UTRN: variants seen among roughly 807,000 people sequenced by gnomAD.
UTRN encodes utrophin, also known as dystrophin-related protein 1.
In UTRN, 283 loss-of-function variants were observed where a neutral mutation model predicts 463.9. The ratio of observed to expected loss-of-function variants is 0.61; its 90% CI spans 0.55 to 0.67. The LOEUF (loss-of-function observed/expected upper bound fraction) is 0.67. Ranked by LOEUF, UTRN falls within the 30% of genes least tolerant of loss-of-function variation. The probability of loss-of-function intolerance (pLI) is 0.00; values close to 1 mark genes in which losing one functional copy is unlikely to be tolerated. For synonymous variants in UTRN, 1,442 were observed against 1,431.5 expected (o/e 1.01, Z -0.17); for missense variants, 3,922 against 4,084.3 (o/e 0.96, Z 1.08).
At chr6:144,414,191 A>G (rs7770410) in intron 3 of UTRN, among the ~76,000 whole-genome samples, 2,246 of 152,160 alleles carry the variant, frequency 0.015, 48 homozygotes, top group South Asian at 0.1. Context: ...GTGTCCCAGA[A>G]GAAGGCATCG....
chr6:144,318,836 G>A (rs963096358), intron 2 of UTRN, among the ~76,000 whole-genome samples: 5 of 152,146 alleles, frequency 3.3e-5, no homozygotes, highest in Admixed American at 6.5e-5. Flanking sequence ...TTTGGCCGGC[G>A]TAGGCAGGCA....
At chr6:144,303,503 G>A (rs2179338) in intron 2 of UTRN, among the ~76,000 whole-genome samples, 9,216 of 152,148 alleles carry the variant, frequency 0.061, 907 homozygotes, top group African/African-American at 0.21. Context: ...TTTCTTAACC[G>A]TTTACAGTTA....
At position 144,791,360 on chromosome 6, in the gene UTRN, A is replaced by G. The variant is rs1390589620; in HGVS notation, c.8920+2081A>G. On this transcript the variant is annotated intron_variant, in intron 62 of 74. Coordinates refer to ENST00000367545, the MANE Select transcript of UTRN (RefSeq NM_007124.3). The stretch of plus-strand genomic sequence containing the variant: ...AAGAATATTCCTTGTTTAGTTTCTA[A>G]CAGTGCCCTGGCCTTTATGCTTATA... Among the ~76,000 whole-genome samples, 3 of 152,086 alleles carry G rather than the reference A, an allele frequency of 2.0e-5. No individual in the cohort carries two copies. The South Asian group carries it at 6.2e-4, about 31-fold the overall frequency.
intron 50 of UTRN, among the ~76,000 whole-genome samples, chr6:144,570,351 A>G (rs1327193336): frequency 6.6e-6 from 1 of 152,156 alleles, no homozygotes; most frequent in Non-Finnish European, 1.5e-5. Context: ...TTATAGATAA[A>G]TAACATATGA....
intron 12 of UTRN, 111 bp from the exon 13 acceptor site, chr6:144,440,241 T>G: frequency 1.8e-6 from 2 of 1,111,066 alleles, no homozygotes; most frequent in Non-Finnish European, 2.6e-6. Flanking sequence ...GATTGGAAAT[T>G]TAAATATGAT....
intron 71 of UTRN, 173 bp downstream of exon 71, chr6:144,836,714 C>A: frequency 2.0e-6 from 2 of 985,126 alleles, no homozygotes; most frequent in East Asian, 2.7e-5. Flanking sequence ...TATAAATCCT[C>A]ATTGGCACAC....
At chr6:144,537,842 C>T in intron 44 of UTRN, 125 bp downstream of exon 44, 2 of 1,323,250 alleles carry the variant, frequency 1.5e-6, no homozygotes, top group South Asian at 1.4e-5. Context: ...ATGTGGTGAA[C>T]CTGAAAGAGG....
intron 2 of UTRN, among the ~76,000 whole-genome samples, chr6:144,321,344 C>A (rs1385884253): frequency 6.6e-6 from 1 of 151,840 alleles, no homozygotes; most frequent in Admixed American, 6.6e-5. Context: ...AAAAGAGGCA[C>A]TTCTATTTTC....
chr6:144,353,990 G>T (rs1778340359), intron 2 of UTRN, among the ~76,000 whole-genome samples: 1 of 152,196 alleles, frequency 6.6e-6, no homozygotes, highest in Non-Finnish European at 1.5e-5. Context: ...TTTAAAGTTG[G>T]TTTTAAACTT....
chr6:144,771,307 T>A (rs1268334573), intron 58 of UTRN, among the ~76,000 whole-genome samples: 1 of 152,176 alleles, frequency 6.6e-6, no homozygotes, highest in African/African-American at 2.4e-5. Context: ...AACTTTTGTA[T>A]AGAGATGAGG....
chr6:144,525,002 T>C (rs1275643739), intron 41 of UTRN, among the ~76,000 whole-genome samples: 2 of 152,188 alleles, frequency 1.3e-5, no homozygotes, highest in Non-Finnish European at 2.9e-5. Context: ...ATTTATTGAC[T>C]TGTGTATGTT....
chr6:144,323,955 G>T (rs988179420), intron 2 of UTRN, among the ~76,000 whole-genome samples: 1 of 152,160 alleles, frequency 6.6e-6, no homozygotes, highest in South Asian at 2.1e-4. Context: ...GATCTGCAAG[G>T]TGGCCTTGAA....
At chr6:144,432,356 C>G (rs765062909) in intron 9 of UTRN, among the ~76,000 whole-genome samples, 1 of 152,112 alleles carries the variant, frequency 6.6e-6, no homozygotes, top group African/African-American at 2.4e-5. Flanking sequence ...AACTCTCTGT[C>G]TCTCTCTCTC....
chr6:144,786,094 A>G (rs1776267380), intron 61 of UTRN, among the ~76,000 whole-genome samples: 1 of 152,196 alleles, frequency 6.6e-6, no homozygotes, highest in African/African-American at 2.4e-5. Context: ...GAAAACTATC[A>G]GGAGACTAAA....
chr6:144,628,257 T>C (rs548459966), intron 51 of UTRN, among the ~76,000 whole-genome samples: 1 of 152,362 alleles, frequency 6.6e-6, no homozygotes, highest in South Asian at 2.1e-4. Flanking sequence ...TGCTTTCATT[T>C]CTTTGGGGTC....
chr6:144,584,985 G>T (rs1414646980), intron 51 of UTRN, among the ~76,000 whole-genome samples: 1 of 151,924 alleles, frequency 6.6e-6, no homozygotes, highest in Non-Finnish European at 1.5e-5. Context: ...AATGTATAAA[G>T]CTTTCTTTTT....
intron 66 of UTRN, among the ~76,000 whole-genome samples, chr6:144,821,752 AC>A (rs1232188439): frequency 6.6e-6 from 1 of 152,142 alleles, no homozygotes; most frequent in Non-Finnish European, 1.5e-5. Flanking sequence ...AAGATACTAA[AC>A]AATTATGTGT....
rs569648539 is a variant in UTRN at position 144,374,926 on chromosome 6, A to G, written c.80-28197A>G. ...GTGCCTCTGCACTCCAGCCTGGGTG[A>G]CAGAGTGAGACTCCATCTCAAAAAA... On this transcript the variant is annotated intron_variant, in intron 2 of 74. Coordinates refer to ENST00000367545, the MANE Select transcript of UTRN (RefSeq NM_007124.3). 4.3e-3 allele frequency among the ~76,000 whole-genome samples: 641 copies of G among 149,266 alleles called. 4 individuals carry two copies. The highest frequency in any genetic ancestry group is 0.015 in the African/African-American group (608 of 40,544).
chr6:144,726,610 A>T (rs1787906979), intron 53 of UTRN, among the ~76,000 whole-genome samples: 1 of 152,228 alleles, frequency 6.6e-6, no homozygotes, highest in South Asian at 2.1e-4. Flanking sequence ...TCTTTTGCAT[A>T]GTAGAAGGTG....
Sources: gnomAD v4.1 joint callset for allele counts (sites outside exome capture counted in the v4.1 genomes callset) on GRCh38, gnomAD v4.1.1 for gene constraint, MANE v1.5 for transcripts, NCBI Gene and HGNC (gene_info 2026-07-23, HGNC 2026-07-21) for gene names.